The following ARHGAP28 variants were observed in gnomAD, a reference collection of about 807,000 sequenced individuals.
ARHGAP28 encodes the protein Rho GTPase activating protein 28.
A neutral mutation model predicts 90.7 loss-of-function variants in ARHGAP28; 56 were observed. The ratio of observed to expected loss-of-function variants is 0.62; its 90% confidence interval spans 0.50 to 0.77. The LOEUF (loss-of-function observed/expected upper bound fraction) is 0.77, where lower values mean the gene tolerates loss of function less well. Among genes scored for constraint, ARHGAP28 ranks in the 30% least tolerant of loss-of-function variants. The pLI is 0.00. For missense variants in ARHGAP28, 869 were observed against 900.9 expected (o/e 0.96, Z 0.45); for synonymous variants, 308 against 323.3 (o/e 0.95, Z 0.51).
At chr18:6,819,328 A>G (rs1257496894) in intron 1 of ARHGAP28, among the ~76,000 whole-genome samples, 1 of 152,206 alleles carries the variant, frequency 6.6e-6, no homozygotes, top group East Asian at 1.9e-4. Context: ...GCTAGAAAAA[A>G]AAAGGAATAA....
rs189830388 is a variant in ARHGAP28 at position 6,915,161 on chromosome 18, A to G, written c.*3007A>G. 150 of 152,352 alleles carry G rather than the reference A, an allele frequency of 9.8e-4. No homozygotes were observed. The highest frequency in any genetic ancestry group is 3.4e-3 in the African/African-American group (142 of 41,582). 9.4% of individuals were successfully genotyped at this position (152,352 alleles called of 1,614,324 possible). A position where few individuals can be genotyped will look rare whatever the true frequency, so the allele number is the denominator to read the frequency against. On this transcript the variant is annotated 3_prime_UTR_variant, in exon 18 of 18. Transcript: ENST00000383472. The stretch of plus-strand genomic sequence containing the variant: ...TGTGATCTATGTGGTATACTCTGAG[A>G]GAATTCTGTGTCCTGCTCATTGTCT...
chr18:6,806,158 T>G (rs1198704272), intron 1 of ARHGAP28, among the ~76,000 whole-genome samples: 1 of 152,162 alleles, frequency 6.6e-6, no homozygotes, highest in East Asian at 1.9e-4. Context: ...CCTCCCAAAG[T>G]GCTGGGATTA....
chr18:6,880,843 C>A (rs993290236), intron 10 of ARHGAP28, among the ~76,000 whole-genome samples: 6 of 152,180 alleles, frequency 3.9e-5, no homozygotes. Context: ...TAGTCCCACC[C>A]ACTAGATTAC....
At position 6,873,685 on chromosome 18, in the gene ARHGAP28, C is replaced by A. The variant is rs781087496; in HGVS notation, c.1122C>A (p.Asp374Glu). Reference sequence around the variant, plus strand: ...CCCCTTTACTGTCTCACAATGAAGACAATGGGATTTTTGGAGTTCCACTTA... The same window carrying A: ...CCCCTTTACTGTCTCACAATGAAGAAAATGGGATTTTTGGAGTTCCACTTA... ...RNKTEKVKGR[D>E]NGIFGVPLTV... Residue 374 changes from aspartate to glutamate, a missense_variant and splice_region_variant, in exon 9 of 18, where the codon GAC (aspartate) becomes GAA (glutamate). Transcript: ENST00000383472. 1.2e-6 allele frequency: 2 copies of A among 1,612,960 alleles called. No individual in the cohort carries two copies. Among genetic ancestry groups the A allele is most frequent in the East Asian group, 4.5e-5 (2 of 44,850 alleles).
intron 2 of ARHGAP28, among the ~76,000 whole-genome samples, chr18:6,834,300 G>A (rs985286165): frequency 1.3e-5 from 2 of 152,134 alleles, no homozygotes; most frequent in Non-Finnish European, 1.5e-5. Context: ...AGGATTGATA[G>A]CAATAGGACA....
At chr18:6,870,347 A>G (rs1247722012) in intron 6 of ARHGAP28, among the ~76,000 whole-genome samples, 2 of 152,204 alleles carry the variant, frequency 1.3e-5, no homozygotes, top group Non-Finnish European at 2.9e-5. Flanking sequence ...CTAAAATTTT[A>G]AAAATCAGAG....
At chr18:6,777,765 A>C (rs1343488146) in intron 1 of ARHGAP28, among the ~76,000 whole-genome samples, 1 of 152,178 alleles carries the variant, frequency 6.6e-6, no homozygotes, top group Non-Finnish European at 1.5e-5. Context: ...TGAATGAATG[A>C]ATGAATAAAA....
intron 1 of ARHGAP28, among the ~76,000 whole-genome samples, chr18:6,752,791 ACT>A (rs1375858288): frequency 5.9e-5 from 9 of 152,010 alleles, no homozygotes; most frequent in Admixed American, 5.9e-4. Context: ...TCCGCTCAGC[ACT>A]CTCTGACCAC....
chr18:6,830,195 C>T (rs532965002), intron 2 of ARHGAP28, among the ~76,000 whole-genome samples: 1 of 152,150 alleles, frequency 6.6e-6, no homozygotes, highest in Non-Finnish European at 1.5e-5. Flanking sequence ...CATTCCAATT[C>T]CACTCTATTA....
rs1414282401 is a variant in ARHGAP28, at chr18:6,890,538, C to T, written c.1843C>T (p.Arg615Trp). 2.2e-5 allele frequency: 35 copies of T among 1,605,130 alleles called. No homozygotes were observed. Among genetic ancestry groups the T allele is most frequent in the South Asian group, 6.7e-5 (6 of 89,780 alleles). ...GCTGCTCAGGAGGAAGACCCTCGAG[C>T]GGGAGGTAAGACAGCAAATGAGGCA... The part of the protein sequence containing the change: ...RKLLRRKTLE[R>W]ETASPKTSKV... Residue 615 changes from arginine (R) to tryptophan (W), a missense_variant, in exon 14 of 18, where the codon CGG (arginine) becomes TGG (tryptophan). Arg to Trp is a moderately radical substitution (Grantham distance 101, BLOSUM62 -3). Coordinates refer to ENST00000383472, the MANE Select transcript of ARHGAP28 (RefSeq NM_001366230.1).
intron 5 of ARHGAP28, among the ~76,000 whole-genome samples, chr18:6,862,175 C>T (rs192247412): frequency 6.6e-6 from 1 of 152,230 alleles, no homozygotes; most frequent in Non-Finnish European, 1.5e-5. Flanking sequence ...ACATTTTGGG[C>T]CCTGTGCTTC....
rs529391652 is a variant in ARHGAP28, at chr18:6,738,945, G to A, written c.122+9002G>A. Among the ~76,000 whole-genome samples, 13 of 152,246 alleles carry A rather than the reference G, an allele frequency of 8.5e-5. No homozygotes were observed. The South Asian group carries it at 2.1e-3, about 24-fold the overall frequency. On this transcript the variant is annotated intron_variant, in intron 1 of 17. Transcript: ENST00000383472. ...CCCTAATCATGCCCTGTGGTCCTGC[G>A]ATGTTGATTCTTTAAAAATAAGTCC...
intron 4 of ARHGAP28, among the ~76,000 whole-genome samples, chr18:6,852,875 C>G (rs929036278): frequency 6.6e-6 from 1 of 152,204 alleles, no homozygotes; most frequent in African/African-American, 2.4e-5. Context: ...ATGCTCAAAT[C>G]TGTCTCACTG....
chr18:6,798,685 CAGAG>C (rs1450243703), intron 1 of ARHGAP28, among the ~76,000 whole-genome samples: 3 of 152,116 alleles, frequency 2.0e-5, no homozygotes, highest in African/African-American at 7.2e-5. Flanking sequence ...TTCGGGGACT[CAGAG>C]GGAGGGTGAG....
At chr18:6,903,826 C>CAAAAAAAAAAAAAA (rs35606759) in intron 16 of ARHGAP28, among the ~76,000 whole-genome samples, 1 of 84,052 alleles carries the variant, frequency 1.2e-5, no homozygotes, top group African/African-American at 5.0e-5. Context: ...GACTCCATCT[C>CAAAAAAAAAAAAAA]AAAAAAAAAA....
At chr18:6,835,956 G>C (rs1192720949) in intron 2 of ARHGAP28, 1 of 152,144 alleles carries the variant, frequency 6.6e-6, no homozygotes, top group Non-Finnish European at 1.5e-5. Context: ...TCTCTCGGGT[G>C]AGCAGCTATA....
intron 4 of ARHGAP28, among the ~76,000 whole-genome samples, chr18:6,855,960 G>T (rs760389822): frequency 6.6e-6 from 1 of 152,234 alleles, no homozygotes; most frequent in Admixed American, 6.5e-5. Context: ...TTGCCACTCC[G>T]CACCTAGCTT....
chr18:6,909,379 G>A (rs1014260793), intron 17 of ARHGAP28, among the ~76,000 whole-genome samples: 9 of 150,378 alleles, frequency 6.0e-5, no homozygotes, highest in African/African-American at 1.5e-4. Flanking sequence ...TGCAACCTCC[G>A]CCTCCCGGGT....
intron 1 of ARHGAP28, among the ~76,000 whole-genome samples, chr18:6,779,828 T>A (rs1194087678): frequency 6.6e-6 from 1 of 152,250 alleles, no homozygotes; most frequent in Non-Finnish European, 1.5e-5. Flanking sequence ...CCTACGTGCA[T>A]CTTTCTAACA....
Sources: gnomAD v4.1 joint callset for allele counts (sites outside exome capture counted in the v4.1 genomes callset) on GRCh38, gnomAD v4.1.1 for gene constraint, MANE v1.5 for transcripts, NCBI Gene and HGNC (gene_info 2026-07-23, HGNC 2026-07-21) for gene names.